Variants in CDKL5 observed in about 807,000 individuals in gnomAD.
CDKL5 encodes cyclin-dependent kinase-like 5.
CDKL5 carries 8 observed loss-of-function variants against 61.7 expected under a neutral mutation model. The ratio of observed to expected loss-of-function variants is 0.13; its 90% CI spans 0.08 to 0.23. CDKL5 has a LOEUF of 0.23. CDKL5 is among the 10% of genes least tolerant of loss of function. The pLI, the probability that CDKL5 is intolerant of heterozygous loss-of-function variation, is 1.00. For missense variants in CDKL5, 440 were observed against 734.5 expected (o/e 0.60, Z 4.63); for synonymous variants, 275 against 272.3 (o/e 1.01, Z -0.10).
chrX:18,491,775 T>A, intron 1 of CDKL5, among the ~76,000 whole-genome samples: 1 of 111,895 alleles, frequency 8.9e-6, no homozygotes, highest in Non-Finnish European at 1.9e-5. Context: ...ATTTGTTGGA[T>A]AATAAATTAA....
At position 18,462,343 on chromosome X, in the gene CDKL5, AGT is replaced by A. The variant is rs770405520; in HGVS notation, c.-163+36652_-163+36653del. ...ATAGTCTATACCAAGTGGTTCTCAG[AGT>A]GTGGTCCCCAGACCAGCAGCATCAG... is the stretch of plus-strand genomic sequence containing the variant. On this transcript the variant is annotated intron_variant, in intron 1 of 17. Transcript: ENST00000623535. Among the ~76,000 whole-genome samples, 702 of 111,270 alleles carry A rather than the reference AGT, an allele frequency of 6.3e-3. 3 individuals carry two copies. The highest frequency in any genetic ancestry group is 9.5e-3 in the Non-Finnish European group (503 of 53,079).
intron 3 of CDKL5, among the ~76,000 whole-genome samples, chrX:18,520,895 T>A (rs969901095): frequency 2.7e-5 from 3 of 111,924 alleles, no homozygotes; most frequent in Non-Finnish European, 3.8e-5. Flanking sequence ...CAAGCCACCA[T>A]GCCTGACTAA....
intron 1 of CDKL5, among the ~76,000 whole-genome samples, chrX:18,496,639 A>G (rs1200894476): frequency 9.0e-6 from 1 of 111,611 alleles, no homozygotes; most frequent in African/African-American, 3.3e-5. Flanking sequence ...ATTTTGGGGT[A>G]AAATATTTTG....
rs755330309 is a variant in CDKL5, at chrX:18,588,086, A to G, written c.687A>G (p.Pro229=). ...TTACTATTCAGAAGGTGCTAGGACC[A>G]CTTCCATCTGAGCAGATGAAGCTTT... ...QLFTIQKVLG[P]LPSEQMKLFY... Residue 229 remains proline, a synonymous_variant, in exon 9 of 18, where the codon CCA becomes CCG. Transcript: ENST00000623535. 3 of 1,208,683 alleles carry G rather than the reference A, an allele frequency of 2.5e-6. No homozygotes were observed. The African/African-American group carries it at 5.3e-5, about 21-fold the overall frequency.
intron 10 of CDKL5, 140 bp from the exon 11 acceptor site, chrX:18,598,322 T>A (rs1926071830): frequency 4.1e-6 from 2 of 482,136 alleles, no homozygotes; most frequent in Non-Finnish European, 7.1e-6. Context: ...TAGTCTTTTT[T>A]TTTTTATTTC....
intron 3 of CDKL5, among the ~76,000 whole-genome samples, chrX:18,550,080 C>T (rs926311184): frequency 3.6e-5 from 4 of 111,461 alleles, no homozygotes; most frequent in Non-Finnish European, 5.6e-5. Flanking sequence ...CTGACAGCCA[C>T]GCTGTAGCTG....
chrX:18,650,075 G>T (rs1927964845), intron 20 of CDKL5: 8 of 311,806 alleles, frequency 2.6e-5, no homozygotes. Context: ...CCTTATTCTT[G>T]GCACTTTGCT....
chrX:18,631,179 G>A lies in CDKL5; in HGVS notation c.*2422G>A, dbSNP rs1320228609. 5.3e-6 allele frequency: 4 copies of A among 750,858 alleles called. No individual in the cohort carries two copies. The highest frequency in any genetic ancestry group is 6.3e-6 in the Non-Finnish European group (4 of 638,214). The allele number at this position is 750,858 out of a possible 1,213,427, so 61.9% of individuals were successfully genotyped here. On this transcript the variant is annotated 3_prime_UTR_variant, in exon 18 of 18. Coordinates refer to ENST00000623535, the MANE Select transcript of CDKL5 (RefSeq NM_001323289.2). ...ATGACGGTTCTTCAAAGAAGGGCTA[G>A]AATATTTGCCTTCTACCTAGAGCAA... is the stretch of plus-strand genomic sequence containing the variant.
rs969715845 is a variant in CDKL5, at chrX:18,438,503, G to A, written c.-163+12808G>A. On this transcript the variant is annotated intron_variant, in intron 1 of 17. Transcript: ENST00000623535. ...AGGCAGAGGGTGCATTAAAAGACAA[G>A]GATCTGGCTGGCCGCGGTGGCTCAT... is the stretch of plus-strand genomic sequence containing the variant. Among the ~76,000 whole-genome samples the A allele has an allele frequency of 3.6e-5, 4 of 109,817 alleles. No individual in the cohort carries two copies. In the Admixed American group the frequency reaches 3.9e-4, roughly 11 times the overall value.
chrX:18,643,919 G>T (rs1387003310), downstream of CDKL5, among the ~76,000 whole-genome samples: 1 of 111,339 alleles, frequency 9.0e-6, no homozygotes, highest in East Asian at 2.8e-4. Context: ...TTAATAGGAT[G>T]TAGAGTTGCC....
At chrX:18,527,218 A>G (rs1469913269) in intron 3 of CDKL5, among the ~76,000 whole-genome samples, 1 of 111,729 alleles carries the variant, frequency 9.0e-6, no homozygotes, top group Admixed American at 9.5e-5. Flanking sequence ...TGAAAAATAT[A>G]TTTAGCTTAT....
At chrX:18,613,708 C>T in intron 15 of CDKL5, among the ~76,000 whole-genome samples, 1 of 111,243 alleles carries the variant, frequency 9.0e-6, no homozygotes. Context: ...TGTTGGACAG[C>T]CAGTAACATG....
At chrX:18,649,980 G>C (rs183794316) in intron 20 of CDKL5, 3,142 of 173,033 alleles carry the variant, frequency 0.018, 99 homozygotes, top group African/African-American at 0.085. Context: ...ACCCCCACCC[G>C]CCGCCGCCGC....
chrX:18,647,408 C>T, intron 20 of CDKL5: 1 of 1,091,460 alleles, frequency 9.2e-7, no homozygotes, highest in Admixed American at 2.2e-5. Flanking sequence ...AATAACAAAA[C>T]AAACCCATCT....
chrX:18,551,553 C>G (rs1387112604), intron 3 of CDKL5, among the ~76,000 whole-genome samples: 1 of 81,895 alleles, frequency 1.2e-5, no homozygotes, highest in Non-Finnish European at 2.4e-5. Flanking sequence ...TTACTAGATA[C>G]CTTGACATTA....
chrX:18,505,497 T>G (rs1239316506), intron 1 of CDKL5, among the ~76,000 whole-genome samples: 1 of 112,623 alleles, frequency 8.9e-6, no homozygotes, highest in African/African-American at 3.2e-5. Context: ...TCTCTTAATC[T>G]TCTTTAATCT....
Position 18,639,989 on chromosome X carries a change from G to C in CDKL5, c.*11232G>C, listed in dbSNP as rs1260009498. On this transcript the variant is annotated 3_prime_UTR_variant, in exon 18 of 18. Transcript: ENST00000623535. Reference sequence around the variant, plus strand: ...GAGACAGTCGATTCGTGGTTGCAGAGGGCTTGGGGTGGCCGATGGGTTGGG... The same window carrying C: ...GAGACAGTCGATTCGTGGTTGCAGACGGCTTGGGGTGGCCGATGGGTTGGG... 1 of 111,850 alleles carries C rather than the reference G, an allele frequency of 8.9e-6. No individual in the cohort carries two copies. Among genetic ancestry groups the C allele is most frequent in the African/African-American group, 3.3e-5 (1 of 30,742 alleles). The allele number at this position is 111,850 out of a possible 1,213,427, so 9.2% of individuals were successfully genotyped here. A position where few individuals can be genotyped will look rare whatever the true frequency, so the allele number is the denominator to read the frequency against.
chrX:18,449,231 T>C (rs1014258685), intron 1 of CDKL5, among the ~76,000 whole-genome samples: 2 of 112,362 alleles, frequency 1.8e-5, no homozygotes, highest in Non-Finnish European at 3.8e-5. Flanking sequence ...CACTGATCTA[T>C]GTGCTGAGAG....
In CDKL5 at chrX:18,440,283, T is replaced by C. The variant is rs753012488; in HGVS notation, c.-163+14588T>C. 1.2e-4 allele frequency among the ~76,000 whole-genome samples: 13 copies of C among 112,079 alleles called. No individual in the cohort carries two copies. In the South Asian group the frequency reaches 1.5e-3, roughly 13 times the overall value. On this transcript the variant is annotated intron_variant, in intron 1 of 17. Coordinates refer to ENST00000623535, the MANE Select transcript of CDKL5 (RefSeq NM_001323289.2). ...CATTTCAAAAATGTTTAAGGCATCT[T>C]TACCAGTAGATTTCATCTCAGAAAA...
Sources: gnomAD v4.1 joint callset for allele counts (sites outside exome capture counted in the v4.1 genomes callset) on GRCh38, gnomAD v4.1.1 for gene constraint, MANE v1.5 for transcripts, NCBI Gene and HGNC (gene_info 2026-07-23, HGNC 2026-07-21) for gene names.